The following DCC variants were observed in gnomAD, a reference collection of about 807,000 sequenced individuals.
The protein encoded by DCC is DCC netrin 1 receptor.
A neutral mutation model predicts 172.5 loss-of-function variants in DCC; 58 were observed. That is an observed-to-expected ratio of 0.34 (90% CI 0.27 to 0.42). DCC has a LOEUF of 0.42. Ranked by LOEUF, DCC falls within the 10% of genes least tolerant of loss-of-function variation. The probability of loss-of-function intolerance (pLI) is 1.00; values close to 1 mark genes in which losing one functional copy is unlikely to be tolerated. For missense variants in DCC, 1,740 were observed against 1,791.0 expected (o/e 0.97, Z 0.51); for synonymous variants, 709 against 644.5 (o/e 1.10, Z -1.52).
intron 12 of DCC, among the ~76,000 whole-genome samples, chr18:53,303,383 T>C (rs2057162957): frequency 6.6e-6 from 1 of 152,256 alleles, no homozygotes; most frequent in South Asian, 2.1e-4. Context: ...GCATTACTGA[T>C]GTTTCCTTCA....
At chr18:53,326,951 T>C (rs575478143) in intron 14 of DCC, among the ~76,000 whole-genome samples, 1 of 152,314 alleles carries the variant, frequency 6.6e-6, no homozygotes, top group Non-Finnish European at 1.5e-5. Context: ...CCCCCCTGCT[T>C]CAGAGCCTGA....
intron 12 of DCC, among the ~76,000 whole-genome samples, chr18:53,221,872 CT>C (rs2055938270): frequency 6.6e-6 from 1 of 152,148 alleles, no homozygotes; most frequent in African/African-American, 2.4e-5. Flanking sequence ...TTTCAGAATA[CT>C]TCTGTTCCAA....
intron 1 of DCC, among the ~76,000 whole-genome samples, chr18:52,666,430 G>C (rs1180533549): frequency 6.6e-6 from 1 of 152,040 alleles, no homozygotes; most frequent in Non-Finnish European, 1.5e-5. Flanking sequence ...CTTAAGTTTT[G>C]GTAAACAAAT....
intron 1 of DCC, among the ~76,000 whole-genome samples, chr18:52,701,599 CT>C (rs2036123537): frequency 6.6e-6 from 1 of 152,276 alleles, no homozygotes; most frequent in Non-Finnish European, 1.5e-5. Flanking sequence ...AGGCTTATGT[CT>C]TTTTAGACCT....
chr18:52,705,260 T>G (rs2036186700), intron 1 of DCC, among the ~76,000 whole-genome samples: 1 of 152,186 alleles, frequency 6.6e-6, no homozygotes, highest in African/African-American at 2.4e-5. Context: ...TAAAAATTCC[T>G]GGTTTTCAGA....
chr18:52,367,388 G>A (rs1212926339), intron 1 of DCC, among the ~76,000 whole-genome samples: 3 of 152,172 alleles, frequency 2.0e-5, no homozygotes, highest in Non-Finnish European at 4.4e-5. Context: ...CTCAAATGCC[G>A]CCAAAGTGGG....
chr18:53,430,616 A>G (rs1328394461), intron 21 of DCC, among the ~76,000 whole-genome samples: 2 of 152,194 alleles, frequency 1.3e-5, no homozygotes, highest in Non-Finnish European at 2.9e-5. Flanking sequence ...TTTTATACGT[A>G]CACCACAATA....
chr18:52,924,203 G>A (rs1174045690), intron 4 of DCC, among the ~76,000 whole-genome samples: 1 of 151,664 alleles, frequency 6.6e-6, no homozygotes, highest in Non-Finnish European at 1.5e-5. Flanking sequence ...TTAATATTCT[G>A]TGTCACACAC....
intron 1 of DCC, among the ~76,000 whole-genome samples, chr18:52,519,107 A>G (rs1354010875): frequency 6.6e-6 from 1 of 152,208 alleles, no homozygotes; most frequent in Admixed American, 6.5e-5. Flanking sequence ...CTGAATGACA[A>G]CTTTTCTATT....
At chr18:52,598,964 A>T (rs150860644) in intron 1 of DCC, among the ~76,000 whole-genome samples, 174 of 152,254 alleles carry the variant, frequency 1.1e-3, no homozygotes, top group Non-Finnish European at 2.0e-3. Context: ...TTTTATAAGG[A>T]TAGCTAATTT....
chr18:52,642,418 T>G (rs1294838051), intron 1 of DCC, among the ~76,000 whole-genome samples: 1 of 151,958 alleles, frequency 6.6e-6, no homozygotes, highest in Non-Finnish European at 1.5e-5. Context: ...AAATCACCAG[T>G]AAAGAACTTA....
chr18:52,417,337 A>G (rs762194777), intron 1 of DCC, among the ~76,000 whole-genome samples: 3 of 151,990 alleles, frequency 2.0e-5, no homozygotes, highest in African/African-American at 7.2e-5. Flanking sequence ...GGTGAATCAG[A>G]CAATTATGTG....
chr18:52,663,627 C>T (rs373469714), intron 1 of DCC, among the ~76,000 whole-genome samples: 9 of 152,158 alleles, frequency 5.9e-5, no homozygotes, highest in African/African-American at 2.2e-4. Flanking sequence ...CTCTACAATG[C>T]AGAAAACTCA....
intron 11 of DCC, among the ~76,000 whole-genome samples, chr18:53,213,265 C>T (rs1448647447): frequency 6.6e-6 from 1 of 151,970 alleles, no homozygotes; most frequent in East Asian, 1.9e-4. Context: ...ACTAATTGAT[C>T]AAAAAGTTAG....
chr18:52,515,140 C>T (rs1196666778), intron 1 of DCC, among the ~76,000 whole-genome samples: 1 of 152,108 alleles, frequency 6.6e-6, no homozygotes, highest in Non-Finnish European at 1.5e-5. Flanking sequence ...AATAAACCCG[C>T]ATAAATATGC....
chr18:52,776,616 G>T (rs545684398), intron 2 of DCC, among the ~76,000 whole-genome samples: 1 of 152,126 alleles, frequency 6.6e-6, no homozygotes, highest in Non-Finnish European at 1.5e-5. Flanking sequence ...GCTGAGCCAG[G>T]TTGCAGGAGG....
intron 1 of DCC, among the ~76,000 whole-genome samples, chr18:52,362,535 A>T (rs930372887): frequency 3.3e-5 from 5 of 152,192 alleles, no homozygotes; most frequent in African/African-American, 1.2e-4. Flanking sequence ...GGGTTATAAA[A>T]TTTGAATGCT....
At chr18:52,775,650 C>T (rs73463750) in intron 2 of DCC, among the ~76,000 whole-genome samples, 3,431 of 152,270 alleles carry the variant, frequency 0.023, 127 homozygotes, top group African/African-American at 0.078. Flanking sequence ...AGGCCTGCCA[C>T]TATTAGTTGG....
intron 2 of DCC, among the ~76,000 whole-genome samples, chr18:52,896,134 G>T (rs1414236848): frequency 6.6e-6 from 1 of 152,136 alleles, no homozygotes; most frequent in Non-Finnish European, 1.5e-5. Context: ...CTGAGGTGGT[G>T]TATCAATTCA....
Sources: allele counts gnomAD v4.1 joint callset (sites outside exome capture counted in the v4.1 genomes callset), GRCh38; gene constraint gnomAD v4.1.1; transcripts MANE v1.5; gene names NCBI Gene and HGNC (gene_info 2026-07-23, HGNC 2026-07-21).